The following CDK8 variants were observed in gnomAD, a reference collection of about 807,000 sequenced individuals.
The protein encoded by CDK8 is cyclin-dependent kinase 8.
In CDK8, 29 loss-of-function variants were observed where a neutral mutation model predicts 71.5. That is an observed-to-expected ratio of 0.41 (90% CI 0.30 to 0.55). CDK8 has a LOEUF of 0.55. CDK8 is among the 20% of genes least tolerant of loss of function. CDK8 has a pLI of 0.37. For synonymous variants in CDK8, 161 were observed against 192.1 expected, an observed-to-expected ratio of 0.84 and a Z score of 1.34; for missense variants, 288 against 572.6, an observed-to-expected ratio of 0.50 and a Z score of 5.07.
At chr13:26,311,221 T>G (rs1874271482) in intron 1 of CDK8, among the ~76,000 whole-genome samples, 1 of 152,176 alleles carries the variant, frequency 6.6e-6, no homozygotes, top group Non-Finnish European at 1.5e-5. Flanking sequence ...TCATCCTGCC[T>G]TCTTTCACCT....
chr13:26,323,348 AGAGG>A lies in CDK8; in HGVS notation c.129-14215_129-14212del, dbSNP rs1874878595. Among the ~76,000 whole-genome samples the A allele has an allele frequency of 1.2e-4, 18 of 144,110 alleles. 2 individuals carry two copies. The South Asian group carries it at 3.9e-3, about 32-fold the overall frequency. The allele number at this position is 144,110 out of a possible 152,430, so 94.5% of individuals were successfully genotyped here. A position where few individuals can be genotyped will look rare whatever the true frequency, so the allele number is the denominator to read the frequency against. On this transcript the variant is annotated intron_variant, in intron 1 of 12. Coordinates refer to ENST00000381527, the MANE Select transcript of CDK8 (RefSeq NM_001260.3). ...GAGAGGGAGAGAGAGAGGGAGAGGG[AGAGG>A]GAGAGGGAGAGGGAGAGGGAGAGGG...
At position 26,386,128 on chromosome 13, in the gene CDK8, C is replaced by G. The variant is rs564958431; in HGVS notation, c.646+786C>G. Among the ~76,000 whole-genome samples, 59 of 152,276 alleles carry G rather than the reference C, an allele frequency of 3.9e-4. 2 individuals carry two copies. In the South Asian group the frequency reaches 8.1e-3, roughly 21 times the overall value. The stretch of plus-strand genomic sequence containing the variant: ...ATTATAAAGAATGAGGAAATTAGTG[C>G]TCTTACACTTCTTCCCCTACCAACC... On this transcript the variant is annotated intron_variant, in intron 6 of 12. Transcript: ENST00000381527.
In CDK8 at chr13:26,297,335, T is replaced by C. The variant is rs1437712208; in HGVS notation, c.129-40232T>C. Among the ~76,000 whole-genome samples the C allele has an allele frequency of 2.5e-5, 3 of 121,964 alleles. No individual in the cohort carries two copies. In the East Asian group the frequency reaches 7.8e-4, roughly 32 times the overall value. The allele number at this position is 121,964 out of a possible 152,430, so 80.0% of individuals were successfully genotyped here. ...AGTAATATAACTAAAAAGGTAACCT[T>C]AATAGCAAAAGAGGAAAGAAGATAG... is the stretch of plus-strand genomic sequence containing the variant. On this transcript the variant is annotated intron_variant, in intron 1 of 12. Transcript: ENST00000381527.
intron 4 of CDK8, among the ~76,000 whole-genome samples, chr13:26,361,018 G>A (rs968805672): frequency 1.3e-5 from 2 of 151,960 alleles, no homozygotes; most frequent in African/African-American, 4.8e-5. Flanking sequence ...CTTCTTATAC[G>A]CAATATTTTT....
At chr13:26,360,567 T>A (rs1326047814) in intron 4 of CDK8, among the ~76,000 whole-genome samples, 1 of 152,146 alleles carries the variant, frequency 6.6e-6, no homozygotes, top group Non-Finnish European at 1.5e-5. Flanking sequence ...CATGGGCCAC[T>A]TACTAGTTTT....
intron 1 of CDK8, among the ~76,000 whole-genome samples, chr13:26,261,184 A>G (rs1005055474): frequency 6.6e-6 from 1 of 152,164 alleles, no homozygotes; most frequent in East Asian, 1.9e-4. Flanking sequence ...ATATTCTTTA[A>G]TATAGTTATT....
chr13:26,346,237 G>A (rs183485069), intron 2 of CDK8, among the ~76,000 whole-genome samples: 1 of 152,186 alleles, frequency 6.6e-6, no homozygotes, highest in Non-Finnish European at 1.5e-5. Context: ...ATGATTAAAT[G>A]AGATAATACA....
At chr13:26,274,386 C>G (rs59980333) in intron 1 of CDK8, among the ~76,000 whole-genome samples, 3 of 150,886 alleles carry the variant, frequency 2.0e-5, no homozygotes, top group Non-Finnish European at 3.0e-5. Context: ...AATTTCTTTT[C>G]GGAATTACCC....
intron 1 of CDK8, among the ~76,000 whole-genome samples, chr13:26,324,465 A>G (rs1874932407): frequency 6.6e-6 from 1 of 152,076 alleles, no homozygotes; most frequent in African/African-American, 2.4e-5. Flanking sequence ...GTACTTATTT[A>G]TAGTAACACT....
chr13:26,386,717 A>T (rs1391875909), intron 6 of CDK8, among the ~76,000 whole-genome samples: 1 of 152,182 alleles, frequency 6.6e-6, no homozygotes, highest in African/African-American at 2.4e-5. Flanking sequence ...CTAGCTTGCC[A>T]GGGTTTACAA....
chr13:26,262,035 T>G (rs1294196813), intron 1 of CDK8, among the ~76,000 whole-genome samples: 1 of 152,212 alleles, frequency 6.6e-6, no homozygotes, highest in African/African-American at 2.4e-5. Flanking sequence ...TCTGACCTTT[T>G]CCTCAGGCAG....
intron 6 of CDK8, among the ~76,000 whole-genome samples, chr13:26,390,043 G>A (rs1875674349): frequency 6.6e-6 from 1 of 152,014 alleles, no homozygotes. Context: ...TTACAAAATG[G>A]AACCTTTTCT....
At position 26,349,098 on chromosome 13, in the gene CDK8, C is replaced by T. The variant is rs746653144; in HGVS notation, c.231C>T (p.Asn77=). The T allele has an allele frequency of 1.2e-5, 20 of 1,611,870 alleles. No individual in the cohort carries two copies. Among genetic ancestry groups the T allele is most frequent in the Admixed American group, 1.2e-4 (7 of 59,910 alleles). ...TACTTCGAGAGCTTAAGCATCCAAA[C>T]GTCATTTCTCTTCAAAAGGTGTTTC... ...IALLRELKHP[N]VISLQKVFLS... Residue 77 remains asparagine, a synonymous_variant, in exon 3 of 13, where the codon AAC becomes AAT. Transcript: ENST00000381527.
chr13:26,287,824 C>G (rs1428991118), intron 1 of CDK8, among the ~76,000 whole-genome samples: 1 of 151,914 alleles, frequency 6.6e-6, no homozygotes, highest in Non-Finnish European at 1.5e-5. Flanking sequence ...TAGGAAATCC[C>G]AATTTTAAGA....
chr13:26,270,965 G>A (rs900479601), intron 1 of CDK8, among the ~76,000 whole-genome samples: 2 of 152,046 alleles, frequency 1.3e-5, no homozygotes, highest in Non-Finnish European at 2.9e-5. Context: ...ATTTCTCCAC[G>A]TTCTTGCCAA....
chr13:26,288,646 A>G (rs1450142781), intron 1 of CDK8, among the ~76,000 whole-genome samples: 1 of 151,718 alleles, frequency 6.6e-6, no homozygotes, highest in Non-Finnish European at 1.5e-5. Flanking sequence ...GGTTGCTTTG[A>G]ATCTGTTGAT....
chr13:26,325,111 T>C (rs1874959745), intron 1 of CDK8, among the ~76,000 whole-genome samples: 1 of 152,178 alleles, frequency 6.6e-6, no homozygotes, highest in South Asian at 2.1e-4. Context: ...AAGTAATTCC[T>C]GTTGAATCTG....
Position 26,388,319 on chromosome 13 carries a change from A to T in CDK8, c.646+2977A>T, listed in dbSNP as rs1008015279. On this transcript the variant is annotated intron_variant, in intron 6 of 12. Coordinates refer to ENST00000381527, the MANE Select transcript of CDK8 (RefSeq NM_001260.3). ...ATATTTAGTTAAGTCAGTTAAAAGG[A>T]AAAATAAGGATGATTTATTCTAGTC... Among the ~76,000 whole-genome samples, 6 of 152,350 alleles carry T rather than the reference A, an allele frequency of 3.9e-5. No individual in the cohort carries two copies. In the East Asian group the frequency reaches 1.2e-3, roughly 29 times the overall value.
chr13:26,400,624 T>G, intron 10 of CDK8, 74 bp downstream of exon 10: 1 of 884,954 alleles, frequency 1.1e-6, no homozygotes, highest in Non-Finnish European at 1.9e-6. Flanking sequence ...TTGTCAGCTC[T>G]TAAGTTGCTC....
Sources: gnomAD v4.1 joint callset for allele counts (sites outside exome capture counted in the v4.1 genomes callset) on GRCh38, gnomAD v4.1.1 for gene constraint, MANE v1.5 for transcripts, NCBI Gene and HGNC (gene_info 2026-07-23, HGNC 2026-07-21) for gene names.